Variants in CMKLR1 observed in about 807,000 individuals in gnomAD.
CMKLR1 encodes the protein chemerin chemokine-like receptor 1.
In CMKLR1, 6 loss-of-function variants were observed where a neutral mutation model predicts 8.2. That is an observed-to-expected ratio of 0.73 (90% CI 0.40 to 1.44). The LOEUF (loss-of-function observed/expected upper bound fraction) is 1.44. CMKLR1 is among the 40% of genes most tolerant of loss of function. The pLI, the probability that CMKLR1 is intolerant of heterozygous loss-of-function variation, is 0.02. For missense variants in CMKLR1, 429 were observed against 478.0 expected (o/e 0.90, Z 0.96); for synonymous variants, 178 against 181.2 (o/e 0.98, Z 0.14).
chr12:108,294,648 C>A (rs1891082585), intron 2 of CMKLR1, among the ~76,000 whole-genome samples: 1 of 152,146 alleles, frequency 6.6e-6, no homozygotes, highest in African/African-American at 2.4e-5. Context: ...ATAGTAAGCC[C>A]TCAATAAATA....
At chr12:108,293,544 T>G in intron 3 of CMKLR1, 45 bp downstream of exon 3, 2 of 1,550,740 alleles carry the variant, frequency 1.3e-6, no homozygotes, top group Non-Finnish European at 1.7e-6. Flanking sequence ...AATCTGTCAG[T>G]GGTCACTGGT....
At position 108,330,215 on chromosome 12, in the gene CMKLR1, G is replaced by A. The variant is rs1183801186; in HGVS notation, c.-286-8C>T. On this transcript the variant is annotated splice_region_variant and splice_polypyrimidine_tract_variant and intron_variant, in intron 1 of 3. Coordinates refer to ENST00000550402, the MANE Select transcript of CMKLR1 (RefSeq NM_001142343.2). ...TTCTGCTGGAGAGATGGGCTACAGA[G>A]AGAGAGAAAGAGAGAAACAGAGCAC... 1 of 152,208 alleles carries A rather than the reference G, an allele frequency of 6.6e-6. No individual in the cohort carries two copies. Among genetic ancestry groups the A allele is most frequent in the Admixed American group, 6.5e-5 (1 of 15,286 alleles). 9.4% of individuals were successfully genotyped at this position (152,208 alleles called of 1,614,324 possible). A position where few individuals can be genotyped will look rare whatever the true frequency, so the allele number is the denominator to read the frequency against.
At chr12:108,320,650 C>G (rs1891840836) in intron 2 of CMKLR1, 1 of 152,586 alleles carries the variant, frequency 6.6e-6, no homozygotes, top group South Asian at 2.1e-4. Flanking sequence ...ATCACAGACA[C>G]CTGTTCCACT....
chr12:108,331,055 T>C (rs1892093271), intron 1 of CMKLR1, among the ~76,000 whole-genome samples: 1 of 152,032 alleles, frequency 6.6e-6, no homozygotes, highest in Admixed American at 6.5e-5. Context: ...GACAAGCATG[T>C]CTCCCTAGCA....
At position 108,292,559 on chromosome 12, in the gene CMKLR1, G is replaced by A. The variant is rs575229573; in HGVS notation, c.404C>T (p.Ser135Phe). ...TSVFLLTIIS[S>F]DRCISVLLPV... Reference sequence around the variant, plus strand: ...GAGGAGCACAGAGATGCAGCGGTCAGAGCTGATGATGGTCAGCAGGAAGAC... The same window carrying A: ...GAGGAGCACAGAGATGCAGCGGTCAAAGCTGATGATGGTCAGCAGGAAGAC... Residue 135 changes from serine (S) to phenylalanine (F), a missense_variant, in exon 4 of 4, where the codon TCT becomes TTT. Ser to Phe is a radical substitution (Grantham distance 155). Coordinates refer to ENST00000550402, the MANE Select transcript of CMKLR1 (RefSeq NM_001142343.2). 6 of 1,614,214 alleles carry A rather than the reference G, an allele frequency of 3.7e-6. No homozygotes were observed. Among genetic ancestry groups the A allele is most frequent in the African/African-American group, 1.3e-5 (1 of 75,054 alleles).
intron 1 of CMKLR1, among the ~76,000 whole-genome samples, chr12:108,336,227 T>G (rs1892217841): frequency 6.6e-6 from 1 of 151,442 alleles, no homozygotes. Context: ...ACAGAGATTC[T>G]GATTTCCAAA....
intron 1 of CMKLR1, among the ~76,000 whole-genome samples, chr12:108,334,019 G>A (rs912038017): frequency 3.9e-5 from 6 of 152,248 alleles, no homozygotes; most frequent in African/African-American, 1.4e-4. Flanking sequence ...CTCAGCAGGG[G>A]CTATGGAAAA....
intron 2 of CMKLR1, among the ~76,000 whole-genome samples, chr12:108,301,709 T>C (rs975321553): frequency 1.3e-5 from 2 of 152,246 alleles, no homozygotes; most frequent in African/African-American, 4.8e-5. Flanking sequence ...CTTCCCCCAT[T>C]TTACAGACGA....
intron 2 of CMKLR1, among the ~76,000 whole-genome samples, chr12:108,310,269 G>A (rs990128895): frequency 6.6e-6 from 1 of 151,996 alleles, no homozygotes; most frequent in Non-Finnish European, 1.5e-5. Flanking sequence ...ATCCCTGCAA[G>A]CCATCAACTT....
intron 2 of CMKLR1, among the ~76,000 whole-genome samples, chr12:108,311,530 G>C (rs1891573891): frequency 6.6e-6 from 1 of 152,238 alleles, no homozygotes; most frequent in Non-Finnish European, 1.5e-5. Flanking sequence ...GGAGGCTAAG[G>C]TGGGAGGCTC....
At chr12:108,328,449 C>A (rs1480067648) in intron 2 of CMKLR1, among the ~76,000 whole-genome samples, 2 of 152,202 alleles carry the variant, frequency 1.3e-5, no homozygotes, top group Non-Finnish European at 2.9e-5. Flanking sequence ...CTTTTATGAT[C>A]CTCTTCGTAA....
intron 1 of CMKLR1, among the ~76,000 whole-genome samples, chr12:108,333,049 C>T (rs1373942719): frequency 4.6e-5 from 7 of 152,188 alleles, no homozygotes; most frequent in Admixed American, 4.6e-4. Context: ...AGGGCCTGCC[C>T]TCTTCTCACT....
intron 1 of CMKLR1, among the ~76,000 whole-genome samples, chr12:108,336,156 T>C (rs1020569130): frequency 2.0e-5 from 3 of 152,132 alleles, no homozygotes; most frequent in Non-Finnish European, 4.4e-5. Context: ...TTCTCAAGTT[T>C]TGGGGTGCAT....
At chr12:108,311,936 C>T (rs896868957) in intron 2 of CMKLR1, among the ~76,000 whole-genome samples, 2 of 152,236 alleles carry the variant, frequency 1.3e-5, no homozygotes, top group Middle Eastern at 3.2e-3. Flanking sequence ...GTTCAAAGCA[C>T]CTGGGCCTCT....
In CMKLR1 at chr12:108,291,795, G is replaced by T; in HGVS notation, c.*46C>A. The T allele has an allele frequency of 1.3e-6, 2 of 1,553,080 alleles. No individual in the cohort carries two copies. Among genetic ancestry groups the T allele is most frequent in the African/African-American group, 1.4e-5 (1 of 73,036 alleles). On this transcript the variant is annotated 3_prime_UTR_variant, in exon 4 of 4. Transcript: ENST00000550402. ...TGATCTTCAGAAGACATATCCTTGGGTGTCCCTGGGTTGAGAGAGTCCATT... is the reference window on the plus strand; with the variant it reads ...TGATCTTCAGAAGACATATCCTTGGTTGTCCCTGGGTTGAGAGAGTCCATT...
chr12:108,294,199 T>C (rs939460862), intron 2 of CMKLR1, among the ~76,000 whole-genome samples: 4 of 152,240 alleles, frequency 2.6e-5, no homozygotes, highest in Admixed American at 2.0e-4. Flanking sequence ...ATAGAGAGAC[T>C]GAGGCTCAGA....
intron 2 of CMKLR1, among the ~76,000 whole-genome samples, chr12:108,304,297 C>T (rs189878376): frequency 6.6e-6 from 1 of 152,316 alleles, no homozygotes; most frequent in African/African-American, 2.4e-5. Context: ...GGATTCAAAA[C>T]CCAAGTTCAT....
At chr12:108,331,611 A>G (rs1437477739) in intron 1 of CMKLR1, among the ~76,000 whole-genome samples, 2 of 152,226 alleles carry the variant, frequency 1.3e-5, no homozygotes, top group African/African-American at 4.8e-5. Context: ...GGCAAAAGAC[A>G]CTTTGCAGAC....
intron 2 of CMKLR1, among the ~76,000 whole-genome samples, chr12:108,310,858 G>A (rs1476632496): frequency 6.6e-6 from 1 of 152,178 alleles, no homozygotes; most frequent in Non-Finnish European, 1.5e-5. Flanking sequence ...AGAGACAGGA[G>A]GGAGGCAGTG....
Sources: gnomAD v4.1 joint callset for allele counts (sites outside exome capture counted in the v4.1 genomes callset) on GRCh38, gnomAD v4.1.1 for gene constraint, MANE v1.5 for transcripts, NCBI Gene and HGNC (gene_info 2026-07-23, HGNC 2026-07-21) for gene names.